PRR14L: variants seen among roughly 807,000 people sequenced by gnomAD.
The protein encoded by PRR14L is proline rich 14 like.
PRR14L carries 80 observed loss-of-function variants against 155.0 expected under a neutral mutation model. The observed-to-expected ratio is 0.52, with a 90% confidence interval of 0.43 to 0.62. The LOEUF (loss-of-function observed/expected upper bound fraction) is 0.62, where lower values mean the gene tolerates loss of function less well. Among genes scored for constraint, PRR14L ranks in the 20% least tolerant of loss-of-function variants. The pLI, the probability that PRR14L is intolerant of heterozygous loss-of-function variation, is 0.00. For missense variants in PRR14L, 2,469 were observed against 2,548.0 expected (o/e 0.97, Z 0.67); for synonymous variants, 883 against 916.0 (o/e 0.96, Z 0.65).
At chr22:31,734,689 C>T (rs1305913154) in intron 2 of PRR14L, among the ~76,000 whole-genome samples, 3 of 152,216 alleles carry the variant, frequency 2.0e-5, no homozygotes, top group African/African-American at 4.8e-5. Flanking sequence ...TTCTCTTTCA[C>T]AAGTTACACA....
At chr22:31,725,313 T>C (rs1254578498) in intron 3 of PRR14L, among the ~76,000 whole-genome samples, 1 of 152,050 alleles carries the variant, frequency 6.6e-6, no homozygotes, top group East Asian at 1.9e-4. Context: ...GGCTGAGGTA[T>C]GAAGATCACT....
rs371441167 is a variant in PRR14L at position 31,688,270 on chromosome 22, CTTTTT to C, written c.6108-48_6108-44del. 2.2e-6 allele frequency: 3 copies of C among 1,345,878 alleles called. No individual in the cohort carries two copies. The Admixed American group carries it at 8.0e-5, about 36-fold the overall frequency. The allele number at this position is 1,345,878 out of a possible 1,614,324, so 83.4% of individuals were successfully genotyped here. A position where few individuals can be genotyped will look rare whatever the true frequency, so the allele number is the denominator to read the frequency against. ...AAAAAATTCTTCAGGTTCTCTCTCTCTTTTTTTTTTCAGAGAAGGTCTTGCTCTGT... is the reference window on the plus strand; with the variant it reads ...AAAAAATTCTTCAGGTTCTCTCTCTCTTTTTCAGAGAAGGTCTTGCTCTGT... On this transcript the variant is annotated intron_variant, in intron 7 of 8. Coordinates refer to ENST00000327423, the MANE Select transcript of PRR14L (RefSeq NM_173566.3).
At chr22:31,718,481 C>T (rs932124542) in intron 3 of PRR14L, among the ~76,000 whole-genome samples, 2 of 150,222 alleles carry the variant, frequency 1.3e-5, no homozygotes, top group Admixed American at 1.3e-4. Flanking sequence ...GTCTTGATCT[C>T]CTGACCTCAT....
In PRR14L at chr22:31,743,324, G is replaced by A. The variant is rs1171401266; in HGVS notation, c.-51-4413C>T. ...TCCAAAAAAAAGGCTGGGATTCTTG[G>A]AGAAATTGGGAGTGACAGCTGAGGG... On this transcript the variant is annotated intron_variant, in intron 1 of 8. Coordinates refer to ENST00000327423, the MANE Select transcript of PRR14L (RefSeq NM_173566.3). 3.3e-5 allele frequency among the ~76,000 whole-genome samples: 5 copies of A among 151,964 alleles called. No homozygotes were observed. The East Asian group carries it at 9.7e-4, about 29-fold the overall frequency.
At position 31,714,883 on chromosome 22, in the gene PRR14L, C is replaced by A. The variant is rs1223758113; in HGVS notation, c.2956G>T (p.Gly986Cys). The A allele has an allele frequency of 3.2e-6, 5 of 1,551,832 alleles. No individual in the cohort carries two copies. The East Asian group carries it at 9.8e-5, about 30-fold the overall frequency. The change falls in exon 4 of 9, where the codon GGT becomes TGT. Residue 986 changes from glycine to cysteine, a missense_variant. Physicochemically the swap from Gly to Cys is radical, Grantham distance 159 (BLOSUM62 -3). Around this residue, in one of 2 missense-constraint regions of PRR14L, gnomAD observed 2,363 missense variants for 2,371.6 expected, o/e 1.00. Coordinates refer to ENST00000327423, the MANE Select transcript of PRR14L (RefSeq NM_173566.3). The stretch of plus-strand genomic sequence containing the variant: ...CTTAGCATCTCCTTGGCTGACTGAC[C>A]TTCACTTTTGCATTCATCTGGTCTG... ...QNRPDECKSE[G>C]QSAKEMLSSD...
At chr22:31,726,284 C>A (rs1158116222) in intron 2 of PRR14L, among the ~76,000 whole-genome samples, 4 of 152,014 alleles carry the variant, frequency 2.6e-5, no homozygotes, top group Non-Finnish European at 4.4e-5. Flanking sequence ...GCGCCCACCA[C>A]TATGCCTAGC....
At chr22:31,706,561 C>T (rs1250115442) in intron 4 of PRR14L, among the ~76,000 whole-genome samples, 2 of 151,718 alleles carry the variant, frequency 1.3e-5, no homozygotes, top group African/African-American at 4.8e-5. Context: ...GTAGCTGGGA[C>T]TACAGCCACC....
At chr22:31,692,643 GGA>G (rs1338825357) in intron 7 of PRR14L, among the ~76,000 whole-genome samples, 2 of 152,144 alleles carry the variant, frequency 1.3e-5, no homozygotes, top group South Asian at 4.1e-4. Context: ...GTTTTTTGTG[GGA>G]GAGAGTTGGG....
Position 31,685,820 on chromosome 22 carries a change from A to G in PRR14L, c.6180-17T>C, listed in dbSNP as rs1253967800. ...TCTAAACACCTAAGGATGAAGCACG[A>G]AACAATCACCAACAGACTGACTCAC... On this transcript the variant is annotated splice_polypyrimidine_tract_variant and intron_variant, in intron 8 of 8. Transcript: ENST00000327423. The G allele has an allele frequency of 7.1e-6, 11 of 1,549,242 alleles. No homozygotes were observed. The East Asian group carries it at 2.7e-4, about 38-fold the overall frequency.
At chr22:31,738,310 C>A (rs1401395928) in intron 2 of PRR14L, 77 bp downstream of exon 2, 5 of 1,178,258 alleles carry the variant, frequency 4.2e-6, no homozygotes, top group Non-Finnish European at 5.9e-6. Flanking sequence ...CATGAGCCAA[C>A]CGTCAGCATC....
At chr22:31,688,063 C>A in intron 8 of PRR14L, 93 bp downstream of exon 8, 58 of 1,082,604 alleles carry the variant, frequency 5.4e-5, no homozygotes, top group Non-Finnish European at 7.3e-5. Flanking sequence ...ATTGGTACAA[C>A]TGAACATAAA....
chr22:31,726,557 G>A (rs796655645), intron 2 of PRR14L, among the ~76,000 whole-genome samples: 45 of 152,228 alleles, frequency 3.0e-4, no homozygotes, highest in Middle Eastern at 3.4e-3. Context: ...ATGAGACACC[G>A]CGCCTGGCCA....
intron 4 of PRR14L, among the ~76,000 whole-genome samples, chr22:31,706,794 A>C (rs1312322775): frequency 2.0e-5 from 3 of 152,068 alleles, no homozygotes; most frequent in African/African-American, 7.2e-5. Context: ...TCGCGCCTAT[A>C]ATTCCAGTAC....
intron 3 of PRR14L, among the ~76,000 whole-genome samples, chr22:31,722,276 A>G (rs1245422789): frequency 6.6e-6 from 1 of 151,770 alleles, no homozygotes; most frequent in Non-Finnish European, 1.5e-5. Context: ...CTAAAAATAC[A>G]AAAAAATCAG....
chr22:31,723,920 C>T (rs2074703681), intron 3 of PRR14L, among the ~76,000 whole-genome samples: 1 of 152,220 alleles, frequency 6.6e-6, no homozygotes, highest in African/African-American at 2.4e-5. Context: ...TCGGGCGGCA[C>T]AGCAGGAGGT....
Position 31,715,641 on chromosome 22 carries a change from A to C in PRR14L, c.2198T>G (p.Leu733Ter), listed in dbSNP as rs2074653540. 6.4e-7 allele frequency: 1 copy of C among 1,552,038 alleles called. No individual in the cohort carries two copies. Among genetic ancestry groups the C allele is most frequent in the Non-Finnish European group, 8.7e-7 (1 of 1,147,070 alleles). The change falls in exon 4 of 9, where the codon TTA (leucine) becomes TGA (stop). Residue 733 changes from leucine (L) to a stop codon, truncating the protein, a stop_gained. Transcript: ENST00000327423. LOFTEE classifies it high-confidence loss of function. Reference sequence around the variant, plus strand: ...CTCTAGGCTTACTGGTTTGATGTTTAAGGTGGGACAGTTTGAAGAGGCACC... The same window carrying C: ...CTCTAGGCTTACTGGTTTGATGTTTCAGGTGGGACAGTTTGAAGAGGCACC... ...TCGASSNCPT[L>*]NIKPVSLERK...
chr22:31,743,889 A>G (rs963502381), intron 1 of PRR14L, among the ~76,000 whole-genome samples: 1 of 152,008 alleles, frequency 6.6e-6, no homozygotes, highest in Non-Finnish European at 1.5e-5. Flanking sequence ...GCACCCCCAA[A>G]ACTTACCAAG....
intron 4 of PRR14L, 32 bp from the exon 5 acceptor site, chr22:31,704,758 G>T: frequency 6.5e-7 from 1 of 1,550,036 alleles, no homozygotes; most frequent in Non-Finnish European, 8.9e-7. Context: ...AAAGCAATAG[G>T]TAAGGGCAGT....
At chr22:31,731,026 G>C (rs749048770) in intron 2 of PRR14L, among the ~76,000 whole-genome samples, 14 of 152,126 alleles carry the variant, frequency 9.2e-5, no homozygotes, top group Non-Finnish European at 1.5e-4. Context: ...GTTGGCTGCT[G>C]TGTCCTTCTG....
Sources: allele counts gnomAD v4.1 joint callset (sites outside exome capture counted in the v4.1 genomes callset), GRCh38; gene constraint gnomAD v4.1.1; regional missense constraint gnomAD v4.1.1; transcripts MANE v1.5; gene names NCBI Gene and HGNC (gene_info 2026-07-23, HGNC 2026-07-21).